The following PCDH7 variants were observed in gnomAD, a reference collection of about 807,000 sequenced individuals.
PCDH7 encodes the protein protocadherin-7.
In PCDH7, 17 loss-of-function variants were observed where a neutral mutation model predicts 58.9. That is an observed-to-expected ratio of 0.29 (90% CI 0.20 to 0.43). The LOEUF is 0.43. Among genes scored for constraint, PCDH7 ranks in the 20% least tolerant of loss-of-function variants. The pLI, the probability that PCDH7 is intolerant of heterozygous loss-of-function variation, is 1.00. For missense variants in PCDH7, 1,274 were observed against 1,441.0 expected (o/e 0.88, Z 1.88); for synonymous variants, 664 against 616.4 (o/e 1.08, Z -1.14).
intron 3 of PCDH7, among the ~76,000 whole-genome samples, chr4:31,008,551 G>C (rs1163966098): frequency 3.3e-5 from 5 of 151,960 alleles, no homozygotes; most frequent in Admixed American, 1.3e-4. Flanking sequence ...AATTTTAAAT[G>C]AATATTAGTG....
At chr4:30,987,319 C>CT (rs997158899) in intron 3 of PCDH7, among the ~76,000 whole-genome samples, 67 of 149,440 alleles carry the variant, frequency 4.5e-4, no homozygotes, top group East Asian at 5.9e-4. Context: ...ACTTGAAAAT[C>CT]TTTTTTTTTT....
chr4:30,820,063 C>A (rs1728188906), intron 1 of PCDH7, among the ~76,000 whole-genome samples: 1 of 152,022 alleles, frequency 6.6e-6, no homozygotes, highest in Admixed American at 6.6e-5. Context: ...AAATAATACT[C>A]TTGGACTTTC....
In PCDH7 at chr4:31,111,947, T is replaced by C. The variant is rs189814376; in HGVS notation, c.*8-30526T>C. On this transcript the variant is annotated intron_variant, in intron 3 of 3. Transcript: ENST00000509759. The stretch of plus-strand genomic sequence containing the variant: ...TTGAGCAAGCTACTTAATGATTTTG[T>C]GATCCATCTCTAAAATGGGAATCAA... Among the ~76,000 whole-genome samples the C allele has an allele frequency of 9.6e-4, 146 of 152,320 alleles. 1 individual carries two copies. The highest frequency in any genetic ancestry group is 3.3e-3 in the African/African-American group (139 of 41,576).
intron 1 of PCDH7, among the ~76,000 whole-genome samples, chr4:30,898,365 T>C (rs1015748907): frequency 6.6e-6 from 1 of 152,162 alleles, no homozygotes; most frequent in Non-Finnish European, 1.5e-5. Flanking sequence ...AGATTGAATC[T>C]TATCTAAGGC....
At chr4:31,121,841 A>G (rs2109324584) in intron 3 of PCDH7, among the ~76,000 whole-genome samples, 1 of 152,242 alleles carries the variant, frequency 6.6e-6, no homozygotes, top group East Asian at 1.9e-4. Flanking sequence ...GAAAAAAAAT[A>G]TGTGGGTCTC....
intron 2 of PCDH7, among the ~76,000 whole-genome samples, chr4:30,938,222 T>A (rs1397313782): frequency 1.3e-5 from 2 of 152,146 alleles, no homozygotes; most frequent in East Asian, 3.9e-4. Flanking sequence ...TAAACGAAGT[T>A]TACTGCCATT....
intron 3 of PCDH7, among the ~76,000 whole-genome samples, chr4:31,016,457 G>T (rs554218459): frequency 2.3e-4 from 34 of 148,300 alleles, no homozygotes; most frequent in Non-Finnish European, 8.9e-5. Flanking sequence ...GAGGGGGAAA[G>T]GCCATCATCT....
chr4:31,065,116 G>A (rs991948672), intron 3 of PCDH7, among the ~76,000 whole-genome samples: 14 of 151,956 alleles, frequency 9.2e-5, no homozygotes, highest in African/African-American at 3.4e-4. Context: ...ACACCTCTCT[G>A]AGGGATGCTG....
rs370435217 is a variant in PCDH7 at position 30,994,712 on chromosome 4, T to C, written c.*7+44497T>C. On this transcript the variant is annotated intron_variant, in intron 3 of 3. Coordinates refer to the PCDH7 transcript ENST00000509759. ...CAATGTTTTGGTAAAAGTCAAAGCATATAAACTTTGAAAATGTATAAAAAA... is the reference window on the plus strand; with the variant it reads ...CAATGTTTTGGTAAAAGTCAAAGCACATAAACTTTGAAAATGTATAAAAAA... Among the ~76,000 whole-genome samples the C allele has an allele frequency of 2.0e-5, 3 of 152,318 alleles. No homozygotes were observed. In the South Asian group the frequency reaches 6.2e-4, roughly 32 times the overall value.
At chr4:31,117,569 A>G (rs1717156748) in intron 3 of PCDH7, among the ~76,000 whole-genome samples, 1 of 152,074 alleles carries the variant, frequency 6.6e-6, no homozygotes, top group African/African-American at 2.4e-5. Context: ...TATTTTATCA[A>G]TCCAGTATGT....
At chr4:30,929,778 G>A (rs545982189) in intron 2 of PCDH7, among the ~76,000 whole-genome samples, 1 of 152,144 alleles carries the variant, frequency 6.6e-6, no homozygotes, top group East Asian at 1.9e-4. Context: ...ATCTGAGAGC[G>A]GTATGCATTT....
chr4:30,787,325 A>T (rs1406825794), intron 1 of PCDH7, among the ~76,000 whole-genome samples: 1 of 152,116 alleles, frequency 6.6e-6, no homozygotes, highest in African/African-American at 2.4e-5. Flanking sequence ...ATACCTCAGG[A>T]TTGAAATCCG....
intron 3 of PCDH7, among the ~76,000 whole-genome samples, chr4:30,964,719 T>TA (rs1015133727): frequency 1.2e-4 from 19 of 152,076 alleles, no homozygotes; most frequent in Non-Finnish European, 1.3e-4. Context: ...TACTGGCACG[T>TA]AATAGATGGA....
intron 3 of PCDH7, among the ~76,000 whole-genome samples, chr4:31,140,620 A>C (rs528561939): frequency 6.6e-6 from 1 of 151,538 alleles, no homozygotes; most frequent in Non-Finnish European, 1.5e-5. Context: ...AAAAAAAAAA[A>C]AAAAGAAAAG....
At chr4:30,777,299 C>G (rs1223395046) in intron 1 of PCDH7, among the ~76,000 whole-genome samples, 3 of 152,118 alleles carry the variant, frequency 2.0e-5, no homozygotes, top group Admixed American at 6.6e-5. Flanking sequence ...AATTGAAACT[C>G]TTAACATGTT....
At chr4:30,811,141 G>C (rs892351677) in intron 1 of PCDH7, among the ~76,000 whole-genome samples, 1 of 152,162 alleles carries the variant, frequency 6.6e-6, no homozygotes, top group Non-Finnish European at 1.5e-5. Flanking sequence ...ACAGCCAGAA[G>C]CTTCAAACAT....
intron 3 of PCDH7, among the ~76,000 whole-genome samples, chr4:30,976,560 C>G (rs1167988285): frequency 1.3e-5 from 2 of 151,716 alleles, no homozygotes; most frequent in African/African-American, 4.8e-5. Context: ...GCCACCACCC[C>G]CAGCTAATTT....
intron 3 of PCDH7, among the ~76,000 whole-genome samples, chr4:30,955,679 G>A (rs1747787059): frequency 6.6e-6 from 1 of 151,826 alleles, no homozygotes; most frequent in South Asian, 2.1e-4. Context: ...CTCTCCAGTA[G>A]CTGGGATTAC....
chr4:30,891,860 C>G (rs1424425856), intron 1 of PCDH7, among the ~76,000 whole-genome samples: 1 of 151,310 alleles, frequency 6.6e-6, no homozygotes, highest in African/African-American at 2.4e-5. Context: ...GGGGTGATGC[C>G]TTTTTGTGCT....
Sources: allele counts gnomAD v4.1 joint callset (sites outside exome capture counted in the v4.1 genomes callset), GRCh38; gene constraint gnomAD v4.1.1; transcripts MANE v1.5; gene names NCBI Gene and HGNC (gene_info 2026-07-23, HGNC 2026-07-21).